HEATR4: variants seen among roughly 807,000 people sequenced by gnomAD.
HEATR4 encodes the protein HEAT repeat-containing protein 4.
HEATR4 carries 95 observed loss-of-function variants against 108.8 expected under a neutral mutation model. The ratio of observed to expected loss-of-function variants is 0.87; its 90% CI spans 0.74 to 1.04. The LOEUF is 1.04. Ranked by LOEUF, HEATR4 falls within the 50% of genes least tolerant of loss-of-function variation. The pLI, the probability that HEATR4 is intolerant of heterozygous loss-of-function variation, is 0.00. For synonymous variants in HEATR4, 443 were observed against 459.4 expected (o/e 0.96, Z 0.46); for missense variants, 1,152 against 1,253.8 (o/e 0.92, Z 1.23).
At chr14:73,479,186 G>A (rs908037958) in intron 17 of HEATR4, among the ~76,000 whole-genome samples, 3 of 151,662 alleles carry the variant, frequency 2.0e-5, no homozygotes, top group Non-Finnish European at 4.4e-5. Context: ...CGCCATCTCG[G>A]CTCACTGCCA....
chr14:73,493,448 C>A, intron 16 of HEATR4: 1 of 257,314 alleles, frequency 3.9e-6, no homozygotes. Flanking sequence ...AATGCAGGAG[C>A]GGGAGGAAGA....
At chr14:73,592,044 G>A in the HEATR4 span, 28 of 1,466,122 alleles carry the variant, frequency 1.9e-5, no homozygotes, top group Non-Finnish European at 2.5e-5. Context: ...CCTGGCCCCG[G>A]AGCAGCGGGT....
rs2140284805 is a variant in HEATR4, at chr14:73,514,228, C to G, written c.1217G>C (p.Arg406Thr). The G allele has an allele frequency of 6.2e-7, 1 of 1,613,978 alleles. No individual in the cohort carries two copies. Among genetic ancestry groups the G allele is most frequent in the Non-Finnish European group, 8.5e-7 (1 of 1,179,918 alleles). Residue 406 changes from arginine (R) to threonine (T), a missense_variant, in exon 6 of 18, where the codon AGA becomes ACA. Coordinates refer to ENST00000553558, the MANE Select transcript of HEATR4 (RefSeq NM_001220484.1). ...SAQAIPEASY[R>T]PVQGALRWTA... ...CCAGCGCAGGGCTCCTTGCACAGGT[C>G]TGTAAGCTGTGCAACGTGGCAGTGT...
At chr14:73,580,534 T>A in the HEATR4 span, among the ~76,000 whole-genome samples, 6 of 152,116 alleles carry the variant, frequency 3.9e-5, no homozygotes, top group African/African-American at 1.4e-4. Context: ...GTGGAGGGAA[T>A]CCAGGAGCTT....
chr14:73,542,407 T>C (rs1352727209), intron 1 of HEATR4, among the ~76,000 whole-genome samples: 5 of 103,860 alleles, frequency 4.8e-5, no homozygotes, highest in Non-Finnish European at 4.0e-5. Context: ...TTCTTTCTTT[T>C]TTTTTTTTTT....
At chr14:73,577,493 C>T in the HEATR4 span, among the ~76,000 whole-genome samples, 1 of 139,540 alleles carries the variant, frequency 7.2e-6, no homozygotes, top group East Asian at 2.0e-4. Context: ...GCTGGCCTGG[C>T]CAAGTCCCAC....
intron 14 of HEATR4, among the ~76,000 whole-genome samples, chr14:73,497,616 TA>T (rs1308357302): frequency 6.6e-6 from 1 of 152,150 alleles, no homozygotes; most frequent in Non-Finnish European, 1.5e-5. Flanking sequence ...AATATATGAA[TA>T]ACTTAAAACC....
chr14:73,586,043 T>C, the HEATR4 span, among the ~76,000 whole-genome samples: 2 of 149,142 alleles, frequency 1.3e-5, no homozygotes, highest in African/African-American at 4.9e-5. Flanking sequence ...AAACGTAAAC[T>C]GCCAAACCAG....
intron 1 of HEATR4, among the ~76,000 whole-genome samples, chr14:73,555,175 A>T (rs1384419071): frequency 1.8e-5 from 2 of 113,118 alleles, no homozygotes; most frequent in Admixed American, 2.0e-4. Flanking sequence ...ACACCAAGCC[A>T]ACTCAGCCTC....
At chr14:73,514,264 C>T in intron 5 of HEATR4, 30 bp from the exon 6 acceptor site, 2 of 1,600,438 alleles carry the variant, frequency 1.2e-6, no homozygotes, top group East Asian at 4.5e-5. Flanking sequence ...GAGGTCTTTT[C>T]ACCCCACTGC....
the HEATR4 span, among the ~76,000 whole-genome samples, chr14:73,605,327 C>A: frequency 6.6e-6 from 1 of 152,162 alleles, no homozygotes; most frequent in Admixed American, 6.6e-5. Context: ...AGAGATCTAA[C>A]TTAACCGACT....
chr14:73,562,398 A>G (rs1369537705), upstream of HEATR4, among the ~76,000 whole-genome samples: 2 of 152,100 alleles, frequency 1.3e-5, no homozygotes, highest in African/African-American at 2.4e-5. Flanking sequence ...AATTGTGTTA[A>G]CTGTACAAAT....
chr14:73,513,398 G>A (rs1475323214), intron 6 of HEATR4, among the ~76,000 whole-genome samples: 2 of 151,462 alleles, frequency 1.3e-5, no homozygotes, highest in Non-Finnish European at 2.9e-5. Flanking sequence ...GGTAGAGGTT[G>A]CAGTGAGCCC....
At chr14:73,576,138 C>CA in the HEATR4 span, among the ~76,000 whole-genome samples, 1 of 151,904 alleles carries the variant, frequency 6.6e-6, no homozygotes, top group African/African-American at 2.4e-5. Flanking sequence ...TACTACCCTC[C>CA]AGCCTGGGCA....
chr14:73,533,881 TAAAAAA>T (rs59844752), intron 1 of HEATR4, among the ~76,000 whole-genome samples: 1 of 37,984 alleles, frequency 2.6e-5, no homozygotes, highest in South Asian at 1.0e-3. Context: ...ACCCTGTCTC[TAAAAAA>T]AAAAAAAAAA....
the HEATR4 span, among the ~76,000 whole-genome samples, chr14:73,578,416 A>G: frequency 7.6e-4 from 116 of 151,864 alleles, 3 homozygotes; most frequent in South Asian, 0.023. Flanking sequence ...TTTTGCAGAG[A>G]CAAGGTTTCA....
chr14:73,603,926 G>A, the HEATR4 span, among the ~76,000 whole-genome samples: 1 of 151,882 alleles, frequency 6.6e-6, no homozygotes, highest in Admixed American at 6.6e-5. Context: ...TAGAGACAGG[G>A]TTTCACCATT....
At chr14:73,617,046 G>A in the HEATR4 span, 3 of 1,162,924 alleles carry the variant, frequency 2.6e-6, no homozygotes, top group Non-Finnish European at 3.9e-6. Flanking sequence ...GGGCCTTTGT[G>A]AATACAGGGC....
the HEATR4 span, among the ~76,000 whole-genome samples, chr14:73,606,672 G>A: frequency 6.6e-6 from 1 of 152,210 alleles, no homozygotes; most frequent in Non-Finnish European, 1.5e-5. Flanking sequence ...ACAGAGAAAG[G>A]AAAATTCAAA....
Sources: allele counts gnomAD v4.1 joint callset (sites outside exome capture counted in the v4.1 genomes callset), GRCh38; gene constraint gnomAD v4.1.1; transcripts MANE v1.5; gene names NCBI Gene and HGNC (gene_info 2026-07-23, HGNC 2026-07-21).